NEO1: variants seen among roughly 807,000 people sequenced by gnomAD.
The protein encoded by NEO1 is neogenin.
NEO1 carries 63 observed loss-of-function variants against 159.7 expected under a neutral mutation model. The ratio of observed to expected loss-of-function variants is 0.39; its 90% confidence interval spans 0.32 to 0.49. The LOEUF (loss-of-function observed/expected upper bound fraction) is 0.49, where lower values mean the gene tolerates loss of function less well. Ranked by LOEUF, NEO1 falls within the 20% of genes least tolerant of loss-of-function variation. The pLI is 0.85. For synonymous variants in NEO1, 633 were observed against 662.0 expected (o/e 0.96, Z 0.67); for missense variants, 1,615 against 1,831.0 (o/e 0.88, Z 2.15).
chr15:73,141,805 A>G (rs775553331), intron 5 of NEO1, among the ~76,000 whole-genome samples: 7 of 152,274 alleles, frequency 4.6e-5, no homozygotes, highest in East Asian at 1.9e-4. Flanking sequence ...ATCAGTTACA[A>G]TATTCTGCTG....
At chr15:73,087,494 CAG>C (rs2069429992) in intron 1 of NEO1, among the ~76,000 whole-genome samples, 1 of 152,130 alleles carries the variant, frequency 6.6e-6, no homozygotes, top group Non-Finnish European at 1.5e-5. Context: ...GTTTTAGTGT[CAG>C]AGTAATGCTA....
chr15:73,270,272 T>C, intron 17 of NEO1, 39 bp downstream of exon 17: 1 of 1,613,916 alleles, frequency 6.2e-7, no homozygotes, highest in Non-Finnish European at 8.5e-7. Flanking sequence ...AAGCTAATCA[T>C]TGATACTTTC....
Position 73,122,598 on chromosome 15 carries a change from A to C in NEO1, c.522A>C (p.Glu174Asp), listed in dbSNP as rs529226887. 3.8e-5 allele frequency: 62 copies of C among 1,614,160 alleles called. No homozygotes were observed. In the South Asian group the frequency reaches 6.4e-4, roughly 17 times the overall value. ...YAGNNAILNC[E>D]VNADLVPFVR... ...GGAACAATGCAATTCTGAATTGTGAAGTTAATGCAGATTTGGTCCCATTTG... is the reference window on the plus strand; with the variant it reads ...GGAACAATGCAATTCTGAATTGTGACGTTAATGCAGATTTGGTCCCATTTG... Residue 174 changes from glutamate to aspartate, a missense_variant, in exon 3 of 29, where the codon GAA (glutamate) becomes GAC (aspartate). Glu to Asp is a conservative substitution (Grantham distance 45). This residue lies in a region of NEO1 where 1,018 missense variants were observed against 1,115.4 expected (regional missense o/e 0.91). Transcript: ENST00000261908.
intron 9 of NEO1, among the ~76,000 whole-genome samples, chr15:73,245,442 T>C (rs2039738270): frequency 6.6e-6 from 1 of 152,208 alleles, no homozygotes; most frequent in African/African-American, 2.4e-5. Flanking sequence ...TTGTATATCT[T>C]AAGTTTGGAT....
chr15:73,293,618 C>G, intron 26 of NEO1, 70 bp downstream of exon 26: 1 of 1,491,902 alleles, frequency 6.7e-7, no homozygotes, highest in Non-Finnish European at 9.1e-7. Flanking sequence ...TGGGGAAGGA[C>G]TTGCCCTACT....
intron 23 of NEO1, among the ~76,000 whole-genome samples, chr15:73,284,880 G>A (rs891571193): frequency 2.0e-5 from 3 of 152,008 alleles, no homozygotes; most frequent in South Asian, 2.1e-4. Context: ...GAGCCACTGC[G>A]CCCGGCCCTG....
intron 7 of NEO1, among the ~76,000 whole-genome samples, chr15:73,211,321 G>A (rs1041987327): frequency 7.2e-5 from 11 of 152,146 alleles, no homozygotes; most frequent in African/African-American, 2.4e-4. Flanking sequence ...TTTCCGCTTG[G>A]AGCCACTTTT....
chr15:73,135,978 T>C lies in NEO1; in HGVS notation c.966T>C (p.Ala322=). ...ATGCTGGGACTTATTTTTGTATAGC[T>C]GATAATGGAAATGAGACAATTGAAG... ...EDDAGTYFCI[A]DNGNETIEAQ... The change falls in exon 5 of 29, where the codon GCT becomes GCC. Residue 322 remains alanine, a synonymous_variant. Transcript: ENST00000261908. The C allele has an allele frequency of 6.2e-7, 1 of 1,611,808 alleles. No individual in the cohort carries two copies.
Position 73,213,842 on chromosome 15 carries a change from C to T in NEO1, c.1292-22505C>T, listed in dbSNP as rs1457841280. Among the ~76,000 whole-genome samples, 4 of 152,170 alleles carry T rather than the reference C, an allele frequency of 2.6e-5. No homozygotes were observed. In the East Asian group the frequency reaches 7.7e-4, roughly 29 times the overall value. ...TACTTTTAATTCTTCAAGAAATCTCCATACTGTTTTCCATAGTGGTTGTAT... is the reference window on the plus strand; with the variant it reads ...TACTTTTAATTCTTCAAGAAATCTCTATACTGTTTTCCATAGTGGTTGTAT... On this transcript the variant is annotated intron_variant, in intron 7 of 28. Coordinates refer to ENST00000261908, the MANE Select transcript of NEO1 (RefSeq NM_002499.4).
At chr15:73,152,383 G>A (rs1487074744) in intron 5 of NEO1, among the ~76,000 whole-genome samples, 4 of 152,160 alleles carry the variant, frequency 2.6e-5, no homozygotes, top group Non-Finnish European at 5.9e-5. Context: ...ATAAAAACTC[G>A]GGAGGAGTGG....
In NEO1 at chr15:73,229,394, A is replaced by T. The variant is rs560770822; in HGVS notation, c.1292-6953A>T. On this transcript the variant is annotated intron_variant, in intron 7 of 28. Transcript: ENST00000261908. The stretch of plus-strand genomic sequence containing the variant: ...TTTTGGATTGTTCCTAAAATATAGA[A>T]CTACAGTTGGTTTTCATATCCTCCG... 8.3e-4 allele frequency among the ~76,000 whole-genome samples: 125 copies of T among 149,960 alleles called. 2 individuals carry two copies. Among genetic ancestry groups the T allele is most frequent in the South Asian group, 4.6e-3 (22 of 4,778 alleles).
chr15:73,272,683 G>A (rs769728214), intron 19 of NEO1, 121 bp downstream of exon 19: 3 of 725,962 alleles, frequency 4.1e-6, no homozygotes, highest in Non-Finnish European at 7.1e-6. Flanking sequence ...TCATTTTATG[G>A]TAAGGTGTGA....
At chr15:73,243,497 C>T (rs1389339046) in intron 8 of NEO1, among the ~76,000 whole-genome samples, 1 of 152,184 alleles carries the variant, frequency 6.6e-6, no homozygotes, top group Non-Finnish European at 1.5e-5. Context: ...TTGTCTAAAA[C>T]AAATTCCTTC....
chr15:73,240,884 A>G (rs752989546), intron 8 of NEO1, among the ~76,000 whole-genome samples: 15 of 152,238 alleles, frequency 9.9e-5, no homozygotes, highest in Admixed American at 3.3e-4. Context: ...TCGTAAGACT[A>G]TATCCTGGCT....
At chr15:73,085,962 G>T (rs986666164) in intron 1 of NEO1, among the ~76,000 whole-genome samples, 11 of 152,180 alleles carry the variant, frequency 7.2e-5, no homozygotes, top group African/African-American at 2.6e-4. Context: ...CGACTTGCCA[G>T]TTTTTTTCTT....
At chr15:73,193,409 T>C (rs994013565) in intron 7 of NEO1, among the ~76,000 whole-genome samples, 6 of 152,014 alleles carry the variant, frequency 3.9e-5, no homozygotes, top group South Asian at 2.1e-4. Flanking sequence ...AGGACTGATA[T>C]CTTGGTTTTC....
intron 7 of NEO1, among the ~76,000 whole-genome samples, chr15:73,179,627 G>C (rs1257925522): frequency 6.6e-6 from 1 of 152,150 alleles, no homozygotes; most frequent in Admixed American, 6.5e-5. Context: ...ACATATGCCA[G>C]CTGGCAAAGG....
intron 5 of NEO1, among the ~76,000 whole-genome samples, chr15:73,146,579 A>G (rs1472989486): frequency 1.3e-5 from 2 of 152,172 alleles, no homozygotes; most frequent in African/African-American, 4.8e-5. Flanking sequence ...CTTTGAGATA[A>G]ATTCCACATT....
chr15:73,141,689 C>T (rs896281542), intron 5 of NEO1, among the ~76,000 whole-genome samples: 1 of 152,332 alleles, frequency 6.6e-6, no homozygotes, highest in African/African-American at 2.4e-5. Context: ...GCCTATGTCA[C>T]TCTACTTCTT....
Sources: gnomAD v4.1 joint callset for allele counts (sites outside exome capture counted in the v4.1 genomes callset) on GRCh38, gnomAD v4.1.1 for gene constraint, gnomAD v4.1.1 regional missense constraint, MANE v1.5 for transcripts, NCBI Gene and HGNC (gene_info 2026-07-23, HGNC 2026-07-21) for gene names.